Variants in DMD observed in about 807,000 individuals in gnomAD.
DMD encodes dystrophin, also known as mutant dystrophin.
A neutral mutation model predicts 330.1 loss-of-function variants in DMD; 63 were observed. That is an observed-to-expected ratio of 0.19 (90% CI 0.16 to 0.24). The LOEUF is 0.24. DMD is among the 10% of genes least tolerant of loss of function. The pLI is 1.00. For synonymous variants in DMD, 1,223 were observed against 959.8 expected (o/e 1.27, Z -5.07); for missense variants, 3,344 against 2,684.1 (o/e 1.25, Z -5.43).
intron 53 of DMD, among the ~76,000 whole-genome samples, chrX:31,676,662 C>T (rs948339291): frequency 8.9e-6 from 1 of 111,847 alleles, no homozygotes; most frequent in Admixed American, 9.5e-5. Flanking sequence ...GCTATGCATT[C>T]GCATCACAAC....
intron 60 of DMD, among the ~76,000 whole-genome samples, chrX:31,350,223 G>A (rs764641230): frequency 5.4e-5 from 6 of 111,170 alleles, no homozygotes; most frequent in East Asian, 5.7e-4. Flanking sequence ...ACTCTTGTGC[G>A]TGGCTTCTTC....
intron 45 of DMD, among the ~76,000 whole-genome samples, chrX:31,951,826 G>A (rs956801259): frequency 2.7e-5 from 3 of 111,229 alleles, no homozygotes; most frequent in South Asian, 7.4e-4. Context: ...ATTTGGGTTC[G>A]AGTTACTGAA....
intron 52 of DMD, among the ~76,000 whole-genome samples, chrX:31,728,111 C>A (rs1418963196): frequency 8.9e-6 from 1 of 112,304 alleles, no homozygotes; most frequent in Non-Finnish European, 1.9e-5. Flanking sequence ...CAAGCTCCGC[C>A]TCCCGGGTTC....
chrX:32,887,770 A>AC (rs2084793900), intron 2 of DMD, among the ~76,000 whole-genome samples: 1 of 70,357 alleles, frequency 1.4e-5, no homozygotes, highest in Non-Finnish European at 2.9e-5. Flanking sequence ...AAAAAAAAAA[A>AC]AAAAAACATC....
At chrX:32,692,756 G>A (rs1424479678) in intron 9 of DMD, among the ~76,000 whole-genome samples, 1 of 111,479 alleles carries the variant, frequency 9.0e-6, no homozygotes, top group Non-Finnish European at 1.9e-5. Flanking sequence ...CAGAATCCAG[G>A]CTATCTCTTC....
intron 2 of DMD, among the ~76,000 whole-genome samples, chrX:32,881,421 G>A (rs1210536719): frequency 8.9e-6 from 1 of 112,248 alleles, no homozygotes; most frequent in Non-Finnish European, 1.9e-5. Flanking sequence ...ATGATTTGAT[G>A]TTCAATATTT....
chrX:32,764,172 T>C (rs1876354636), intron 7 of DMD, among the ~76,000 whole-genome samples: 1 of 109,827 alleles, frequency 9.1e-6, no homozygotes, highest in Non-Finnish European at 1.9e-5. Context: ...TCACAGACAA[T>C]AGGCATACAA....
chrX:33,335,836 G>T (rs762093284), intron 1 of DMD, among the ~76,000 whole-genome samples: 1 of 110,922 alleles, frequency 9.0e-6, no homozygotes, highest in Non-Finnish European at 1.9e-5. Context: ...CACAGGCAGG[G>T]TCATTTAGCC....
intron 1 of DMD, among the ~76,000 whole-genome samples, chrX:33,023,440 T>C (rs2093949924): frequency 8.9e-6 from 1 of 111,882 alleles, no homozygotes. Context: ...GCAGAAAGAA[T>C]GAGGTTGGGA....
At chrX:31,399,868 T>C (rs1364233246) in intron 60 of DMD, among the ~76,000 whole-genome samples, 1 of 111,572 alleles carries the variant, frequency 9.0e-6, no homozygotes, top group Non-Finnish European at 1.9e-5. Flanking sequence ...TGAGTGTTTT[T>C]ATTTTTAGAT....
intron 45 of DMD, among the ~76,000 whole-genome samples, chrX:31,945,392 A>G (rs1035607663): frequency 9.0e-6 from 1 of 111,698 alleles, no homozygotes; most frequent in African/African-American, 3.3e-5. Context: ...GCTGGGGTGC[A>G]GTGGCGCGAT....
At chrX:32,082,230 GC>G (rs1346611817) in intron 44 of DMD, among the ~76,000 whole-genome samples, 1 of 111,201 alleles carries the variant, frequency 9.0e-6, no homozygotes, top group African/African-American at 3.3e-5. Context: ...TAAAAAGTAT[GC>G]CTTTTGTTTT....
At chrX:32,534,598 C>T (rs534800409) in intron 17 of DMD, among the ~76,000 whole-genome samples, 146 of 111,419 alleles carry the variant, frequency 1.3e-3, no homozygotes, top group Non-Finnish European at 2.0e-3. Context: ...ATGTAAGTCA[C>T]TCAGTTGCAG....
intron 7 of DMD, among the ~76,000 whole-genome samples, chrX:32,730,522 T>C (rs2067452199): frequency 8.9e-6 from 1 of 112,041 alleles, no homozygotes; most frequent in Non-Finnish European, 1.9e-5. Context: ...CAGAAGAGTG[T>C]CTTCCTAGGC....
At position 32,840,189 on chromosome X, in the gene DMD, C is replaced by A. The variant is rs367702512; in HGVS notation, c.264+4594G>T. On this transcript the variant is annotated intron_variant, in intron 4 of 78. Transcript: ENST00000357033. Reference sequence around the variant, plus strand: ...GCTCAGATGAAAGCATTGTTAATATCTGCTTTTGAACAACTCCTTCTCAAA... The same window carrying A: ...GCTCAGATGAAAGCATTGTTAATATATGCTTTTGAACAACTCCTTCTCAAA... Among the ~76,000 whole-genome samples the A allele has an allele frequency of 1.4e-4, 16 of 111,924 alleles. No homozygotes were observed. The East Asian group carries it at 4.2e-3, about 29-fold the overall frequency.
intron 54 of DMD, among the ~76,000 whole-genome samples, chrX:31,646,861 G>A (rs896264873): frequency 7.1e-5 from 8 of 112,063 alleles, no homozygotes; most frequent in African/African-American, 2.3e-4. Flanking sequence ...GCACTTCTTC[G>A]TCTGTGCAAT....
intron 61 of DMD, among the ~76,000 whole-genome samples, chrX:31,337,092 T>C (rs1488870860): frequency 9.1e-6 from 1 of 109,316 alleles, no homozygotes; most frequent in Admixed American, 9.8e-5. Context: ...CCTGGCTAAT[T>C]TTTTGTGTCT....
At chrX:32,287,453 T>C in intron 43 of DMD, 76 bp downstream of exon 43, 1 of 976,472 alleles carries the variant, frequency 1.0e-6, no homozygotes, top group East Asian at 3.1e-5. Context: ...CCATGGAGGG[T>C]ACTGAAATAA....
intron 7 of DMD, among the ~76,000 whole-genome samples, chrX:32,781,011 G>C (rs940924639): frequency 9.2e-6 from 1 of 108,740 alleles, no homozygotes; most frequent in Non-Finnish European, 1.9e-5. Context: ...CCAGCTACTC[G>C]GGAGGCTGAG....
Sources: allele counts gnomAD v4.1 joint callset (sites outside exome capture counted in the v4.1 genomes callset), GRCh38; gene constraint gnomAD v4.1.1; transcripts MANE v1.5; gene names NCBI Gene and HGNC (gene_info 2026-07-23, HGNC 2026-07-21).